Variants in RBFOX1 observed in about 807,000 individuals in gnomAD.
RBFOX1 encodes the protein RNA binding protein fox-1 homolog 1.
In RBFOX1, 8 loss-of-function variants were observed where a neutral mutation model predicts 57.7. The ratio of observed to expected loss-of-function variants is 0.14; its 90% CI spans 0.08 to 0.25. The LOEUF (loss-of-function observed/expected upper bound fraction) is 0.25, where lower values mean the gene tolerates loss of function less well. Among genes scored for constraint, RBFOX1 ranks in the 10% least tolerant of loss-of-function variants. The probability of loss-of-function intolerance (pLI) is 1.00; values close to 1 mark genes in which losing one functional copy is unlikely to be tolerated. For synonymous variants in RBFOX1, 326 were observed against 222.4 expected, an observed-to-expected ratio of 1.47 and a Z score of -4.15; for missense variants, 611 against 548.5, an observed-to-expected ratio of 1.11 and a Z score of -1.14.
chr16:6,664,903 T>A (rs1235892228), intron 3 of RBFOX1, among the ~76,000 whole-genome samples: 1 of 152,220 alleles, frequency 6.6e-6, no homozygotes, highest in Non-Finnish European at 1.5e-5. Flanking sequence ...CACATTCCTG[T>A]CTGTCCACAG....
chr16:6,788,882 G>A (rs1442945131), intron 3 of RBFOX1, among the ~76,000 whole-genome samples: 1 of 152,106 alleles, frequency 6.6e-6, no homozygotes, highest in Non-Finnish European at 1.5e-5. Context: ...CTGTCACTCT[G>A]TAGCTAACTC....
At chr16:7,032,260 A>C (rs1414490595) in intron 3 of RBFOX1, among the ~76,000 whole-genome samples, 2 of 151,934 alleles carry the variant, frequency 1.3e-5, no homozygotes, top group East Asian at 1.9e-4. Flanking sequence ...CCCCATCTCT[A>C]CTAAAAAAAC....
intron 3 of RBFOX1, among the ~76,000 whole-genome samples, chr16:6,795,490 G>A (rs1451686646): frequency 2.0e-5 from 3 of 152,062 alleles, no homozygotes; most frequent in Non-Finnish European, 4.4e-5. Context: ...ATTGTTGGCT[G>A]CGCACGTTGG....
chr16:6,019,615 C>T lies in RBFOX1; in HGVS notation c.-504C>T. ...CTGAAGAAGGAAGGAGTGAGCCGAG[C>T]CGAGCACCCCACATCTGGAGGGGAC... On this transcript the variant is annotated 5_prime_UTR_variant, in exon 1 of 16. Transcript: ENST00000550418. This position sits in a 1 kb window ranked among gnomAD's most constrained non-coding sequence, Gnocchi z 4.2. The T allele has an allele frequency of 2.4e-6, 3 of 1,242,022 alleles. No homozygotes were observed. Among genetic ancestry groups the T allele is most frequent in the Middle Eastern group, 3.1e-4 (1 of 3,188 alleles). The allele number at this position is 1,242,022 out of a possible 1,614,324, so 76.9% of individuals were successfully genotyped here.
chr16:5,826,152 A>T (rs1432369977), intron 3 of RBFOX1, among the ~76,000 whole-genome samples: 1 of 148,036 alleles, frequency 6.8e-6, no homozygotes, highest in African/African-American at 2.5e-5. Flanking sequence ...ATATATTATT[A>T]TATATAACAT....
At chr16:7,522,684 C>G (rs766589626) in intron 5 of RBFOX1, among the ~76,000 whole-genome samples, 1 of 152,054 alleles carries the variant, frequency 6.6e-6, no homozygotes, top group East Asian at 1.9e-4. Flanking sequence ...AACAAGGTCC[C>G]TACGTGGGGC....
intron 1 of RBFOX1, among the ~76,000 whole-genome samples, chr16:6,222,719 G>T (rs966996008): frequency 4.3e-5 from 4 of 92,942 alleles, no homozygotes; most frequent in African/African-American, 1.1e-4. Flanking sequence ...TTATTATTAT[G>T]CTTTAAGTTT....
At chr16:7,267,283 C>G (rs566963905) in intron 4 of RBFOX1, among the ~76,000 whole-genome samples, 1 of 151,754 alleles carries the variant, frequency 6.6e-6, no homozygotes, top group Non-Finnish European at 1.5e-5. Flanking sequence ...GCCTGTAATG[C>G]GAGCACTTTC....
intron 1 of RBFOX1, among the ~76,000 whole-genome samples, chr16:6,312,411 G>C (rs1001146499): frequency 6.6e-6 from 1 of 152,100 alleles, no homozygotes; most frequent in African/African-American, 2.4e-5. Flanking sequence ...GCAGAGAAGA[G>C]TGACCCCACA....
At chr16:7,163,537 C>G (rs1041512994) in intron 4 of RBFOX1, among the ~76,000 whole-genome samples, 1 of 152,148 alleles carries the variant, frequency 6.6e-6, no homozygotes, top group African/African-American at 2.4e-5. Flanking sequence ...ACATCAGTCT[C>G]TCTCCCTCTT....
chr16:6,747,476 T>TGTC (rs1414362121), intron 3 of RBFOX1, among the ~76,000 whole-genome samples: 40,527 of 136,988 alleles, frequency 0.3, 5,622 homozygotes, highest in East Asian at 0.42. Context: ...GTCTGTCTGT[T>TGTC]TATCTATCTG....
intron 2 of RBFOX1, among the ~76,000 whole-genome samples, chr16:5,493,715 C>A (rs1374406554): frequency 6.6e-6 from 1 of 152,210 alleles, no homozygotes; most frequent in Non-Finnish European, 1.5e-5. Flanking sequence ...CAGCAATATG[C>A]TTGCTTGCTC....
At chr16:7,202,963 T>A (rs546636440) in intron 4 of RBFOX1, among the ~76,000 whole-genome samples, 39 of 152,264 alleles carry the variant, frequency 2.6e-4, no homozygotes, top group African/African-American at 9.4e-4. Context: ...TGTTTTTATA[T>A]TTTTAGTAGA....
chr16:6,850,734 A>G (rs2094014656), intron 3 of RBFOX1, among the ~76,000 whole-genome samples: 1 of 152,212 alleles, frequency 6.6e-6, no homozygotes. Flanking sequence ...GAATAGTGAC[A>G]ATACCAAATG....
intron 5 of RBFOX1, among the ~76,000 whole-genome samples, chr16:7,535,405 C>T (rs1507018): frequency 0.84 from 128,197 of 152,184 alleles, 54,860 homozygotes; most frequent in Middle Eastern, 0.94. Flanking sequence ...AGTTTCCAGA[C>T]ATCTCGCTGG....
intron 1 of RBFOX1, among the ~76,000 whole-genome samples, chr16:6,116,136 G>T (rs2096493704): frequency 1.3e-5 from 2 of 152,062 alleles, no homozygotes; most frequent in Non-Finnish European, 2.9e-5. Context: ...GGGTGAAGCT[G>T]GAAACCATCA....
intron 3 of RBFOX1, among the ~76,000 whole-genome samples, chr16:5,834,721 A>AGATAGATAGATAGATG (rs1567604166): frequency 2.4e-4 from 33 of 135,278 alleles, no homozygotes; most frequent in African/African-American, 9.5e-4. Flanking sequence ...ATAGATACAT[A>AGATAGATAGATAGATG]GATACATAGA....
Position 5,397,109 on chromosome 16 carries a change from A to C in RBFOX1, c.220-70107A>C, listed in dbSNP as rs370887744. Among the ~76,000 whole-genome samples, 41 of 152,360 alleles carry C rather than the reference A, an allele frequency of 2.7e-4. 2 individuals are homozygous for C. Among genetic ancestry groups the C allele is most frequent in the African/African-American group, 9.4e-4 (39 of 41,584 alleles). The stretch of plus-strand genomic sequence containing the variant: ...AGAGCAGAGACATTTTAAAACAATC[A>C]GCTCATCCAAAGGCAGAAGCAAGAG... On this transcript the variant is annotated intron_variant, in intron 1 of 2. Coordinates refer to the RBFOX1 transcript ENST00000585867.
At chr16:5,574,916 G>T (rs766768541) in intron 2 of RBFOX1, among the ~76,000 whole-genome samples, 11 of 152,178 alleles carry the variant, frequency 7.2e-5, no homozygotes, top group Non-Finnish European at 1.3e-4. Context: ...ACTGTGCTGT[G>T]AGTTGAGCTT....
Sources: gnomAD v4.1 joint callset for allele counts (sites outside exome capture counted in the v4.1 genomes callset) on GRCh38, gnomAD v4.1.1 for gene constraint, Gnocchi (gnomAD v3.1) non-coding constraint, MANE v1.5 for transcripts, NCBI Gene and HGNC (gene_info 2026-07-23, HGNC 2026-07-21) for gene names.